The following PGM5 variants were observed in gnomAD, a reference collection of about 807,000 sequenced individuals.
The protein encoded by PGM5 is phosphoglucomutase 5.
In PGM5, 23 loss-of-function variants were observed where a neutral mutation model predicts 59.2. The ratio of observed to expected loss-of-function variants is 0.39; its 90% CI spans 0.28 to 0.55. The LOEUF (loss-of-function observed/expected upper bound fraction) is 0.55, where lower values mean the gene tolerates loss of function less well. Ranked by LOEUF, PGM5 falls within the 20% of genes least tolerant of loss-of-function variation. The pLI is 0.66. For synonymous variants in PGM5, 214 were observed against 286.0 expected, an observed-to-expected ratio of 0.75 and a Z score of 2.54; for missense variants, 574 against 748.3, an observed-to-expected ratio of 0.77 and a Z score of 2.72.
At chr9:68,417,419 G>GC (rs1823053147) in intron 6 of PGM5, among the ~76,000 whole-genome samples, 2 of 149,440 alleles carry the variant, frequency 1.3e-5, no homozygotes, top group South Asian at 4.2e-4. Flanking sequence ...CTTCCCCTGG[G>GC]CCCGGGGGAC....
intron 6 of PGM5, chr9:68,396,589 A>G (rs1255530869): frequency 6.6e-6 from 1 of 152,408 alleles, no homozygotes; most frequent in African/African-American, 2.4e-5. Context: ...CTGTTCTGAT[A>G]TGTAAGTGAC....
chr9:68,457,528 T>C (rs1337947906), intron 6 of PGM5, among the ~76,000 whole-genome samples: 3 of 152,252 alleles, frequency 2.0e-5, no homozygotes, highest in African/African-American at 7.2e-5. Context: ...CATTTATAGT[T>C]GCTGTATATT....
Position 68,437,566 on chromosome 9 carries a change from GAC to G in PGM5, c.1044-27518_1044-27517del, listed in dbSNP as rs202214679. ...AGGATAGGAATCAATTTTTCAAAGG[GAC>G]ACACACACTCACACACACACACACA... is the stretch of plus-strand genomic sequence containing the variant. On this transcript the variant is annotated intron_variant, in intron 6 of 10. Coordinates refer to ENST00000396396, the MANE Select transcript of PGM5 (RefSeq NM_021965.4). This position sits in a 1 kb window ranked among gnomAD's most constrained non-coding sequence, Gnocchi z 4.1. 2.7e-4 allele frequency among the ~76,000 whole-genome samples: 40 copies of G among 150,056 alleles called. No individual in the cohort carries two copies. The highest frequency in any genetic ancestry group is 9.0e-4 in the African/African-American group (36 of 40,026).
chr9:68,392,525 T>G, intron 6 of PGM5, 52 bp downstream of exon 6: 1 of 1,595,088 alleles, frequency 6.3e-7, no homozygotes, highest in Non-Finnish European at 8.5e-7. Context: ...TTGGCGTTGA[T>G]GTCTCCTTTG....
At chr9:68,380,719 C>T (rs1292338485) in intron 2 of PGM5, among the ~76,000 whole-genome samples, 2 of 151,648 alleles carry the variant, frequency 1.3e-5, no homozygotes, top group Non-Finnish European at 3.0e-5. Flanking sequence ...AAAGCAGACT[C>T]AAATAAATAA....
Position 68,512,043 on chromosome 9 carries a change from C to G in PGM5, c.1614+12682C>G, listed in dbSNP as rs3925220. On this transcript the variant is annotated intron_variant, in intron 10 of 10. Coordinates refer to ENST00000396396, the MANE Select transcript of PGM5 (RefSeq NM_021965.4). ...AAGTGGAGTTTCTCTACTTGTCTCT[C>G]CATTCATGGAACAAATTCACTGCCC... Among the ~76,000 whole-genome samples the G allele has an allele frequency of 3.5e-3, 540 of 152,282 alleles. 5 individuals are homozygous for G. The highest frequency in any genetic ancestry group is 0.012 in the African/African-American group (510 of 41,556).
chr9:68,436,508 C>T (rs200663906), intron 6 of PGM5, among the ~76,000 whole-genome samples: 1 of 152,160 alleles, frequency 6.6e-6, no homozygotes, highest in Non-Finnish European at 1.5e-5. Flanking sequence ...AAGGTGATGA[C>T]AAGCCAATGA....
At chr9:68,450,991 T>C (rs1823688196) in intron 6 of PGM5, among the ~76,000 whole-genome samples, 1 of 152,232 alleles carries the variant, frequency 6.6e-6, no homozygotes, top group African/African-American at 2.4e-5. Context: ...GGATTCTTCC[T>C]GAAACCTTAT....
chr9:68,444,062 C>CTTTTTT (rs71920005), intron 6 of PGM5, among the ~76,000 whole-genome samples: 1 of 131,628 alleles, frequency 7.6e-6, no homozygotes, highest in Non-Finnish European at 1.7e-5. Context: ...TTCTTTCTTT[C>CTTTTTT]TTTTTTTTTT....
Position 68,449,957 on chromosome 9 carries a change from A to G in PGM5, c.1044-15136A>G, listed in dbSNP as rs137938183. ...GACAATTGCTTTGCTTACATTTAAG[A>G]GAGATGTCCAGGGGAGGCAAGAGTT... On this transcript the variant is annotated intron_variant, in intron 6 of 10. Coordinates refer to ENST00000396396, the MANE Select transcript of PGM5 (RefSeq NM_021965.4). Among the ~76,000 whole-genome samples the G allele has an allele frequency of 3.3e-3, 500 of 152,242 alleles. 3 individuals are homozygous for G. The highest frequency in any genetic ancestry group is 0.014 in the Middle Eastern group (4 of 294).
At chr9:68,371,336 A>T (rs533742147) in intron 1 of PGM5, among the ~76,000 whole-genome samples, 1 of 152,296 alleles carries the variant, frequency 6.6e-6, no homozygotes, top group East Asian at 1.9e-4. Flanking sequence ...AAACATAACT[A>T]AGGATAATTA....
chr9:68,435,606 T>C (rs902395422), intron 6 of PGM5, among the ~76,000 whole-genome samples: 1 of 152,222 alleles, frequency 6.6e-6, no homozygotes, highest in Non-Finnish European at 1.5e-5. Flanking sequence ...ACTTTATCCC[T>C]TTTTATGGCT....
chr9:68,481,433 ATG>A (rs1353587338), intron 8 of PGM5, among the ~76,000 whole-genome samples: 2 of 152,222 alleles, frequency 1.3e-5, no homozygotes, highest in Non-Finnish European at 2.9e-5. Flanking sequence ...CCCCTGATTC[ATG>A]TGTGTTTTCT....
intron 1 of PGM5, among the ~76,000 whole-genome samples, chr9:68,362,220 A>G (rs1264277580): frequency 3.9e-4 from 60 of 151,938 alleles, no homozygotes; most frequent in African/African-American, 1.1e-3. Context: ...GGCAGAACAT[A>G]TGTTTATTTC....
Position 68,440,639 on chromosome 9 carries a change from A to G in PGM5, c.1044-24454A>G, listed in dbSNP as rs961965100. 2.6e-5 allele frequency among the ~76,000 whole-genome samples: 4 copies of G among 152,160 alleles called. No individual in the cohort carries two copies. In the East Asian group the frequency reaches 7.7e-4, roughly 29 times the overall value. ...TTAAATTAAATTAAAATGAAAATAC[A>G]TCAAAATTTGTAGGATGCAGGTAAA... On this transcript the variant is annotated intron_variant, in intron 6 of 10. Transcript: ENST00000396396.
intron 6 of PGM5, among the ~76,000 whole-genome samples, chr9:68,452,072 G>C (rs1412451087): frequency 6.6e-6 from 1 of 152,192 alleles, no homozygotes; most frequent in Admixed American, 6.5e-5. Flanking sequence ...AGAGAGAGAG[G>C]TATTCCTCCT....
chr9:68,364,373 G>A (rs2131975201), intron 1 of PGM5, among the ~76,000 whole-genome samples: 1 of 152,328 alleles, frequency 6.6e-6, no homozygotes, highest in South Asian at 2.1e-4. Flanking sequence ...AAGAAAGAAG[G>A]GAGGGAGAGA....
intron 6 of PGM5, among the ~76,000 whole-genome samples, chr9:68,419,932 T>C (rs1554682236): frequency 6.6e-6 from 1 of 152,186 alleles, no homozygotes; most frequent in Non-Finnish European, 1.5e-5. Flanking sequence ...CCATCAGGCT[T>C]TGAATGCTCC....
chr9:68,487,083 C>G (rs1180719967), intron 9 of PGM5, among the ~76,000 whole-genome samples: 8 of 152,096 alleles, frequency 5.3e-5, no homozygotes, highest in African/African-American at 1.9e-4. Flanking sequence ...TCAGAGGAGA[C>G]ATAATACTGC....
Sources: gnomAD v4.1 joint callset for allele counts (sites outside exome capture counted in the v4.1 genomes callset) on GRCh38, gnomAD v4.1.1 for gene constraint, Gnocchi (gnomAD v3.1) non-coding constraint, MANE v1.5 for transcripts, NCBI Gene and HGNC (gene_info 2026-07-23, HGNC 2026-07-21) for gene names.